Variants in NAALADL2 observed in about 807,000 individuals in gnomAD.
NAALADL2 encodes the protein inactive N-acetylated-alpha-linked acidic dipeptidase-like protein 2.
NAALADL2 carries 76 observed loss-of-function variants against 87.2 expected under a neutral mutation model. The ratio of observed to expected loss-of-function variants is 0.87; its 90% confidence interval spans 0.72 to 1.05. The LOEUF (loss-of-function observed/expected upper bound fraction) is 1.05. NAALADL2 is among the 50% of genes least tolerant of loss of function. The pLI is 0.00. For missense variants in NAALADL2, 1,089 were observed against 945.8 expected, an observed-to-expected ratio of 1.15 and a Z score of -1.99; for synonymous variants, 354 against 331.0, an observed-to-expected ratio of 1.07 and a Z score of -0.75.
intron 5 of NAALADL2, among the ~76,000 whole-genome samples, chr3:175,361,432 G>T (rs200880030): frequency 6.8e-6 from 1 of 147,832 alleles, no homozygotes; most frequent in African/African-American, 2.5e-5. Context: ...GATCCTTGAG[G>T]AATCGCCACA....
At chr3:174,576,018 C>A (rs1041145395) in intron 2 of NAALADL2, among the ~76,000 whole-genome samples, 26 of 152,042 alleles carry the variant, frequency 1.7e-4, no homozygotes, top group African/African-American at 6.3e-4. Context: ...CATGCACCAC[C>A]ATGCCTGGCT....
chr3:175,734,461 G>A (rs1434058781), intron 11 of NAALADL2, among the ~76,000 whole-genome samples: 1 of 152,136 alleles, frequency 6.6e-6, no homozygotes, highest in African/African-American at 2.4e-5. Context: ...GGAGGGTGAG[G>A]CAGGAGAATG....
At chr3:175,041,523 C>T (rs1026729244) in intron 1 of NAALADL2, among the ~76,000 whole-genome samples, 3 of 152,104 alleles carry the variant, frequency 2.0e-5, no homozygotes, top group African/African-American at 7.2e-5. Flanking sequence ...TTTAATAGAT[C>T]TTAGTAATCT....
intron 2 of NAALADL2, among the ~76,000 whole-genome samples, chr3:175,109,991 C>A (rs1347394262): frequency 6.6e-6 from 1 of 151,808 alleles, no homozygotes; most frequent in East Asian, 1.9e-4. Flanking sequence ...CTACCTCTCT[C>A]TTTAAAAATA....
intron 11 of NAALADL2, among the ~76,000 whole-genome samples, chr3:175,721,809 A>C (rs1264429051): frequency 6.6e-6 from 1 of 152,086 alleles, no homozygotes; most frequent in South Asian, 2.1e-4. Flanking sequence ...CTTCCTAGAC[A>C]TGGTGAGTGC....
intron 1 of NAALADL2, among the ~76,000 whole-genome samples, chr3:175,008,804 G>A: frequency 6.6e-6 from 1 of 151,582 alleles, no homozygotes; most frequent in South Asian, 2.1e-4. Flanking sequence ...TCCATGTTTG[G>A]TCCAGCCATC....
At chr3:174,709,651 G>T (rs183074221) in intron 2 of NAALADL2, among the ~76,000 whole-genome samples, 1 of 152,180 alleles carries the variant, frequency 6.6e-6, no homozygotes, top group East Asian at 1.9e-4. Flanking sequence ...ATAAAAAAAT[G>T]TTTATAGACT....
intron 9 of NAALADL2, among the ~76,000 whole-genome samples, chr3:175,514,192 TTAA>T (rs1448951244): frequency 1.3e-5 from 2 of 152,346 alleles, no homozygotes; most frequent in East Asian, 3.9e-4. Context: ...AATTAATTTC[TTAA>T]TAAACAGTTG....
chr3:175,220,837 C>T (rs897660805), intron 2 of NAALADL2, among the ~76,000 whole-genome samples: 2 of 152,118 alleles, frequency 1.3e-5, no homozygotes, highest in Admixed American at 1.3e-4. Flanking sequence ...CAATACATTT[C>T]TCTAAGCACT....
intron 1 of NAALADL2, among the ~76,000 whole-genome samples, chr3:175,030,489 C>A (rs1391357325): frequency 6.6e-6 from 1 of 151,894 alleles, no homozygotes; most frequent in African/African-American, 2.4e-5. Context: ...CTAGAAATTG[C>A]AAAATGGAAG....
chr3:174,865,197 A>G (rs979299405), intron 1 of NAALADL2, among the ~76,000 whole-genome samples: 2 of 152,162 alleles, frequency 1.3e-5, no homozygotes, highest in Middle Eastern at 6.8e-3. Flanking sequence ...CCAAAAAAAA[A>G]TAATAAAGTT....
chr3:175,097,080 C>T lies in NAALADL2; in HGVS notation c.334C>T (p.Arg112Ter), dbSNP rs200107555. 965 of 1,613,480 alleles carry T rather than the reference C, an allele frequency of 6.0e-4. No individual in the cohort carries two copies. Among genetic ancestry groups the T allele is most frequent in the Non-Finnish European group, 7.7e-4 (912 of 1,179,584 alleles). ...ATCTGACTACATTACCCATTATACA[C>T]GATCTGCACCAAAGAGCAATCGCTG... is the stretch of plus-strand genomic sequence containing the variant. ...EESDYITHYTRSAPKSNRCNF... is the reference protein window; with the variant it reads ...EESDYITHYT Residue 112 changes from arginine to a stop codon, truncating the protein, a stop_gained, in exon 2 of 14, where the codon CGA becomes TGA. Coordinates refer to ENST00000454872, the MANE Select transcript of NAALADL2 (RefSeq NM_207015.3). LOFTEE classifies it high-confidence loss of function.
chr3:174,706,882 G>A (rs191350906), intron 2 of NAALADL2, among the ~76,000 whole-genome samples: 3 of 152,208 alleles, frequency 2.0e-5, no homozygotes, highest in South Asian at 2.1e-4. Context: ...AGCACCATTT[G>A]TTAAATAGGG....
chr3:175,505,425 A>G (rs765485643), intron 9 of NAALADL2, among the ~76,000 whole-genome samples: 19 of 152,164 alleles, frequency 1.2e-4, no homozygotes, highest in Non-Finnish European at 2.5e-4. Flanking sequence ...CCCACAGTCC[A>G]TAAAGATAAG....
intron 5 of NAALADL2, among the ~76,000 whole-genome samples, chr3:175,394,727 A>G (rs1388745267): frequency 6.6e-6 from 1 of 152,200 alleles, no homozygotes; most frequent in Admixed American, 6.5e-5. Flanking sequence ...GAAACCACAG[A>G]TATTACTGAA....
intron 4 of NAALADL2, among the ~76,000 whole-genome samples, chr3:175,285,949 T>C (rs781112946): frequency 1.3e-5 from 2 of 152,138 alleles, no homozygotes; most frequent in Non-Finnish European, 2.9e-5. Flanking sequence ...TATGTCAAAG[T>C]GAAGTTTAAA....
chr3:175,076,110 C>T (rs1716541824), intron 1 of NAALADL2, among the ~76,000 whole-genome samples: 1 of 152,010 alleles, frequency 6.6e-6, no homozygotes, highest in Non-Finnish European at 1.5e-5. Flanking sequence ...AGCCTGTAAT[C>T]CCAGCTACTT....
chr3:175,038,084 A>G (rs1304178756), intron 1 of NAALADL2, among the ~76,000 whole-genome samples: 1 of 152,158 alleles, frequency 6.6e-6, no homozygotes, highest in East Asian at 1.9e-4. Context: ...ACAGTCCAAA[A>G]ACCTTGAGCC....
chr3:175,770,206 C>T (rs544849447), intron 13 of NAALADL2, among the ~76,000 whole-genome samples: 2 of 151,942 alleles, frequency 1.3e-5, no homozygotes, highest in Non-Finnish European at 2.9e-5. Flanking sequence ...ATGCAAATAT[C>T]GAGAAGATTA....
Sources: allele counts gnomAD v4.1 joint callset (sites outside exome capture counted in the v4.1 genomes callset), GRCh38; gene constraint gnomAD v4.1.1; transcripts MANE v1.5; gene names NCBI Gene and HGNC (gene_info 2026-07-23, HGNC 2026-07-21).